Variants in TOGARAM1 observed in about 807,000 individuals in gnomAD.
TOGARAM1 encodes TOG array regulator of axonemal microtubules protein 1.
A neutral mutation model predicts 166.6 loss-of-function variants in TOGARAM1; 100 were observed. That is an observed-to-expected ratio of 0.60 (90% CI 0.51 to 0.71). The LOEUF is 0.71. Among genes scored for constraint, TOGARAM1 ranks in the 30% least tolerant of loss-of-function variants. The pLI, the probability that TOGARAM1 is intolerant of heterozygous loss-of-function variation, is 0.00. For missense variants in TOGARAM1, 2,029 were observed against 2,102.7 expected, an observed-to-expected ratio of 0.96 and a Z score of 0.69; for synonymous variants, 758 against 763.8, an observed-to-expected ratio of 0.99 and a Z score of 0.13.
intron 16 of TOGARAM1, among the ~76,000 whole-genome samples, chr14:45,058,501 G>A (rs903392563): frequency 1.3e-5 from 2 of 151,994 alleles, no homozygotes; most frequent in African/African-American, 4.8e-5. Context: ...CACTATGTTG[G>A]CCAGGCTGGT....
chr14:44,989,823 A>G (rs1887034151), intron 1 of TOGARAM1, among the ~76,000 whole-genome samples: 1 of 152,230 alleles, frequency 6.6e-6, no homozygotes, highest in Non-Finnish European at 1.5e-5. Flanking sequence ...AAGACTGGGT[A>G]ATTTATAAAG....
intron 16 of TOGARAM1, among the ~76,000 whole-genome samples, chr14:45,055,386 A>G (rs1236233718): frequency 3.3e-5 from 5 of 152,120 alleles, no homozygotes; most frequent in Non-Finnish European, 5.9e-5. Context: ...TGGGTTCTCT[A>G]TTCTGTTCCA....
chr14:44,964,350 T>G lies in TOGARAM1; in HGVS notation c.1929T>G (p.Thr643=). Residue 643 remains threonine (T), a synonymous_variant, in exon 1 of 20, where the codon ACT becomes ACG. Transcript: ENST00000361462. ...SMHIYGSYSP[T]ICTRRVLSAG... The stretch of plus-strand genomic sequence containing the variant: ...ACATTTATGGATCTTACAGCCCAAC[T>G]ATCTGTACCCGAAGGGTATTAAGTG... The G allele has an allele frequency of 6.2e-7, 1 of 1,614,158 alleles. No homozygotes were observed. The highest frequency in any genetic ancestry group is 8.5e-7 in the Non-Finnish European group (1 of 1,180,042).
In TOGARAM1 at chr14:44,962,556, GA is replaced by G; in HGVS notation, c.140del (p.Asn47ThrfsTer26). 6.2e-7 allele frequency: 1 copy of G among 1,614,004 alleles called. No individual in the cohort carries two copies. The highest frequency in any genetic ancestry group is 1.1e-5 in the South Asian group (1 of 91,056). On this transcript the variant is annotated frameshift_variant, in exon 1 of 20. Coordinates refer to ENST00000361462, the MANE Select transcript of TOGARAM1 (RefSeq NM_001308120.2). LOFTEE classifies it high-confidence loss of function. ...SRVGGIMRGEKNYYFRGAAGD... is the reference protein window; with the variant it reads ...SRVGGIMRGEXNYYFRGAAGD... ...GAGTTGGGGGCATTATGAGAGGAGA[GA>G]AAAACTACTACTTCCGTGGAGCTGC...
intron 1 of TOGARAM1, among the ~76,000 whole-genome samples, chr14:44,966,554 C>T (rs1388319606): frequency 1.3e-5 from 2 of 152,006 alleles, no homozygotes; most frequent in Non-Finnish European, 2.9e-5. Flanking sequence ...CTGTTTACTA[C>T]CTGCAATTCT....
intron 16 of TOGARAM1, 31 bp downstream of exon 16, chr14:45,054,580 A>C (rs1347062191): frequency 6.9e-7 from 1 of 1,455,896 alleles, no homozygotes; most frequent in African/African-American, 1.4e-5. Flanking sequence ...TCATCAGAGA[A>C]ATTACTCCCT....
intron 16 of TOGARAM1, among the ~76,000 whole-genome samples, chr14:45,062,380 G>A (rs971867236): frequency 2.6e-5 from 4 of 152,018 alleles, no homozygotes; most frequent in African/African-American, 7.2e-5. Flanking sequence ...CTTTATCGCT[G>A]GTAATATTCT....
intron 19 of TOGARAM1, among the ~76,000 whole-genome samples, chr14:45,072,846 T>C (rs1246500567): frequency 1.3e-5 from 2 of 151,900 alleles, no homozygotes; most frequent in African/African-American, 4.8e-5. Flanking sequence ...CAAAGGGCCA[T>C]AAAAGGAGAA....
intron 11 of TOGARAM1, among the ~76,000 whole-genome samples, chr14:45,034,811 A>G (rs955335684): frequency 6.6e-6 from 1 of 152,234 alleles, no homozygotes; most frequent in Non-Finnish European, 1.5e-5. Flanking sequence ...ATAGGAATAC[A>G]AAAATAGCTA....
rs536801339 is a variant in TOGARAM1 at position 45,027,709 on chromosome 14, G to GA, written c.3504+240dup. Among the ~76,000 whole-genome samples, 12 of 151,882 alleles carry GA rather than the reference G, an allele frequency of 7.9e-5. No individual in the cohort carries two copies. In the East Asian group the frequency reaches 2.1e-3, roughly 27 times the overall value. ...AAAGTAGAGAGCCTATTTTCTCTAG[G>GA]AAAAATACAAAAATGTAGCTACAGC... On this transcript the variant is annotated intron_variant, in intron 9 of 19. Transcript: ENST00000361462.
intron 11 of TOGARAM1, among the ~76,000 whole-genome samples, chr14:45,039,878 C>T (rs1457885422): frequency 1.3e-5 from 2 of 152,162 alleles, no homozygotes; most frequent in East Asian, 1.9e-4. Context: ...CTCCCGCTGG[C>T]TCCAGGGAGC....
chr14:45,020,383 A>C lies in TOGARAM1; in HGVS notation c.3239-5400A>C, dbSNP rs201988728. 4.1e-3 allele frequency among the ~76,000 whole-genome samples: 621 copies of C among 152,306 alleles called. 4 individuals are homozygous for C. The highest frequency in any genetic ancestry group is 4.2e-3 in the Non-Finnish European group (288 of 68,024). ...GAAGTACTACTGCTGCTAGGGAGTT[A>C]AGTTGATCTTGCAAGGTGACCAGGG... On this transcript the variant is annotated intron_variant, in intron 7 of 19. Coordinates refer to ENST00000361462, the MANE Select transcript of TOGARAM1 (RefSeq NM_001308120.2).
Position 44,995,820 on chromosome 14 carries a change from T to A in TOGARAM1, c.2121T>A (p.Cys707Ter). The A allele has an allele frequency of 1.9e-6, 3 of 1,608,816 alleles. No homozygotes were observed. The highest frequency in any genetic ancestry group is 2.5e-6 in the Non-Finnish European group (3 of 1,178,234). ...GAATGCCAGTCAATGATGATTTATGTTTTAGCAGAAAAAGAGTATCAAGAA... is the reference window on the plus strand; with the variant it reads ...GAATGCCAGTCAATGATGATTTATGATTTAGCAGAAAAAGAGTATCAAGAA... ...SQGMPVNDDL[C>*]FSRKRVSRNL... Residue 707 changes from cysteine (C) to a stop codon, truncating the protein, a stop_gained, in exon 2 of 20, where the codon TGT (cysteine) becomes TGA (stop). Transcript: ENST00000361462. LOFTEE classifies it high-confidence loss of function.
chr14:45,068,898 A>G (rs1883256034), intron 18 of TOGARAM1, among the ~76,000 whole-genome samples: 1 of 152,056 alleles, frequency 6.6e-6, no homozygotes, highest in Admixed American at 6.6e-5. Context: ...TCTGCTAACA[A>G]AACTAACTCA....
intron 1 of TOGARAM1, among the ~76,000 whole-genome samples, chr14:44,987,508 T>C (rs928544441): frequency 3.3e-5 from 5 of 152,166 alleles, no homozygotes; most frequent in African/African-American, 1.2e-4. Context: ...TGAAAAAATG[T>C]TCTCATCACT....
rs2138861358 is a variant in TOGARAM1 at position 45,011,968 on chromosome 14, A to G, written c.3138-7A>G. ...ATGTTTATTGAAATTACTTTGTTTC[A>G]TTGCAGGTCAGACATATTTCCAACA... On this transcript the variant is annotated splice_region_variant and splice_polypyrimidine_tract_variant and intron_variant, in intron 6 of 19. Coordinates refer to ENST00000361462, the MANE Select transcript of TOGARAM1 (RefSeq NM_001308120.2). The G allele has an allele frequency of 6.3e-7, 1 of 1,588,016 alleles. No homozygotes were observed. The highest frequency in any genetic ancestry group is 8.6e-7 in the Non-Finnish European group (1 of 1,167,508).
intron 17 of TOGARAM1, among the ~76,000 whole-genome samples, chr14:45,067,962 A>T (rs1883209098): frequency 6.6e-6 from 1 of 152,186 alleles, no homozygotes. Flanking sequence ...CTGAAATTGC[A>T]TCTAAAATTT....
chr14:45,067,150 A>G (rs925293145), intron 17 of TOGARAM1, among the ~76,000 whole-genome samples: 1 of 152,078 alleles, frequency 6.6e-6, no homozygotes, highest in Non-Finnish European at 1.5e-5. Context: ...TGGATTTTCT[A>G]GGTTTTTCTA....
chr14:45,007,173 T>G (rs1051030893), intron 5 of TOGARAM1: 1 of 152,130 alleles, frequency 6.6e-6, no homozygotes, highest in African/African-American at 2.4e-5. Flanking sequence ...GTAATGATAA[T>G]TTGCTCAATA....
Sources: gnomAD v4.1 joint callset for allele counts (sites outside exome capture counted in the v4.1 genomes callset) on GRCh38, gnomAD v4.1.1 for gene constraint, MANE v1.5 for transcripts, NCBI Gene and HGNC (gene_info 2026-07-23, HGNC 2026-07-21) for gene names.